Variants in MGAM observed in about 807,000 individuals in gnomAD.
MGAM encodes maltase-glucoamylase, also known as alpha-1,4-glucosidase.
A neutral mutation model predicts 358.8 loss-of-function variants in MGAM; 253 were observed. The ratio of observed to expected loss-of-function variants is 0.71; its 90% CI spans 0.64 to 0.78. The LOEUF (loss-of-function observed/expected upper bound fraction) is 0.78, where lower values mean the gene tolerates loss of function less well. MGAM is among the 30% of genes least tolerant of loss of function. The pLI is 0.00. For synonymous variants in MGAM, 1,105 were observed against 1,227.1 expected (o/e 0.90, Z 2.08); for missense variants, 3,080 against 3,432.6 (o/e 0.90, Z 2.57).
chr7:142,039,408 A>G (rs953540358), intron 19 of MGAM, among the ~76,000 whole-genome samples: 8 of 151,954 alleles, frequency 5.3e-5, no homozygotes, highest in Non-Finnish European at 8.8e-5. Context: ...GCCGCCACAC[A>G]CTTTTAAACA....
At chr7:142,032,474 T>A (rs1192713912) in intron 13 of MGAM, among the ~76,000 whole-genome samples, 1 of 152,166 alleles carries the variant, frequency 6.6e-6, no homozygotes, top group East Asian at 1.9e-4. Flanking sequence ...TCCACATATA[T>A]GTTTATATGT....
chr7:142,106,058 T>C lies in MGAM; in HGVS notation c.*167T>C, dbSNP rs1449507430. On this transcript the variant is annotated 3_prime_UTR_variant, in exon 71 of 71. Coordinates refer to ENST00000475668, the MANE Select transcript of MGAM (RefSeq NM_001365693.1). ...TGTGTGAACCCTAAAGGTTAAACCT[T>C]AGCCCTGTGGGATAGGCAGTTAGGG... The C allele has an allele frequency of 2.3e-5, 13 of 568,596 alleles. No homozygotes were observed. The highest frequency in any genetic ancestry group is 4.0e-5 in the Non-Finnish European group (13 of 321,270). 35.2% of individuals were successfully genotyped at this position (568,596 alleles called of 1,614,324 possible).
chr7:142,050,690 T>G lies in MGAM; in HGVS notation c.2638-7T>G. 1 of 1,612,232 alleles carries G rather than the reference T, an allele frequency of 6.2e-7. No individual in the cohort carries two copies. The highest frequency in any genetic ancestry group is 8.5e-7 in the Non-Finnish European group (1 of 1,178,762). ...TTTATGCATACTTGGACTTAATTGT[T>G]TTGCAGAACCGCTTGGAGGTGAATA... On this transcript the variant is annotated splice_polypyrimidine_tract_variant and splice_region_variant and intron_variant, in intron 23 of 70. Coordinates refer to ENST00000475668, the MANE Select transcript of MGAM (RefSeq NM_001365693.1).
At chr7:142,096,764 A>G (rs1397241710) in intron 65 of MGAM, among the ~76,000 whole-genome samples, 3 of 152,128 alleles carry the variant, frequency 2.0e-5, no homozygotes, top group Admixed American at 6.5e-5. Context: ...CACTATTACA[A>G]CTTTTCAGAA....
rs184476699 is a variant in MGAM, at chr7:142,099,016, T to G, written c.7750-597T>G. ...TAGCTGATTTGCAAATAAAGTTTTATTGGAACACAGCCATGCATATTTGTT... is the reference window on the plus strand; with the variant it reads ...TAGCTGATTTGCAAATAAAGTTTTAGTGGAACACAGCCATGCATATTTGTT... On this transcript the variant is annotated intron_variant, in intron 66 of 70. Coordinates refer to ENST00000475668, the MANE Select transcript of MGAM (RefSeq NM_001365693.1). Among the ~76,000 whole-genome samples the G allele has an allele frequency of 3.3e-3, 502 of 152,356 alleles. 6 individuals carry two copies. The South Asian group carries it at 0.037, about 11-fold the overall frequency.
At chr7:142,044,090 ACGACG>A in intron 21 of MGAM, among the ~76,000 whole-genome samples, 1 of 143,422 alleles carries the variant, frequency 7.0e-6, no homozygotes, top group South Asian at 2.1e-4. Context: ...ATATACACAT[ACGACG>A]TATAATATAT....
chr7:142,090,359 C>G (rs1272061659), intron 57 of MGAM, among the ~76,000 whole-genome samples: 1 of 145,506 alleles, frequency 6.9e-6, no homozygotes, highest in Non-Finnish European at 1.6e-5. Flanking sequence ...CTCCATCCCC[C>G]ACCCATCCCG....
intron 19 of MGAM, among the ~76,000 whole-genome samples, chr7:142,039,700 G>A (rs1035019664): frequency 6.6e-5 from 10 of 152,124 alleles, no homozygotes; most frequent in African/African-American, 2.4e-4. Context: ...AAGTCAGGCT[G>A]ATCGGGATGT....
chr7:142,064,455 G>A lies in MGAM; in HGVS notation c.4417G>A (p.Gly1473Ser), dbSNP rs758607719. The A allele has an allele frequency of 5.1e-5, 82 of 1,598,370 alleles. No homozygotes were observed. The highest frequency in any genetic ancestry group is 6.1e-5 in the Non-Finnish European group (71 of 1,172,618). ...GGAGAGTCAGCAGATCCTCCCAGAC[G>A]GCTCCCTGGTGCAGCACTACAACGT... ...CMESQQILPD[G>S]SLVQHYNVHN... The change falls in exon 37 of 71, where the codon GGC becomes AGC. Residue 1473 changes from glycine to serine, a missense_variant. Coordinates refer to ENST00000475668, the MANE Select transcript of MGAM (RefSeq NM_001365693.1).
chr7:142,028,000 A>G (rs1807129739), intron 10 of MGAM, among the ~76,000 whole-genome samples: 1 of 152,110 alleles, frequency 6.6e-6, no homozygotes, highest in Non-Finnish European at 1.5e-5. Context: ...TATTTTTCTT[A>G]TTATGTATTT....
intron 10 of MGAM, among the ~76,000 whole-genome samples, chr7:142,028,642 G>A (rs1554461829): frequency 6.6e-6 from 1 of 152,176 alleles, no homozygotes; most frequent in Non-Finnish European, 1.5e-5. Flanking sequence ...TCTCTTTAGA[G>A]TGGTCATTTT....
chr7:142,060,330 ATGT>A lies in MGAM; in HGVS notation c.4086_4088del (p.Val1363del), dbSNP rs1812033642. On this transcript the variant is annotated inframe_deletion, in exon 34 of 71. Coordinates refer to ENST00000475668, the MANE Select transcript of MGAM (RefSeq NM_001365693.1). Reference sequence around the variant, plus strand: ...CCATAGGTCTGGCCTGATTTTCCTGATGTTGTTGTGAATGGGTCTCTAGACTGG... The same window carrying A: ...CCATAGGTCTGGCCTGATTTTCCTGATGTTGTGAATGGGTCTCTAGACTGG... The A allele has an allele frequency of 1.2e-6, 2 of 1,614,034 alleles. No homozygotes were observed. The highest frequency in any genetic ancestry group is 1.1e-5 in the South Asian group (1 of 91,072).
At chr7:142,104,752 G>A (rs1816708501) in intron 70 of MGAM, among the ~76,000 whole-genome samples, 1 of 152,130 alleles carries the variant, frequency 6.6e-6, no homozygotes, top group African/African-American at 2.4e-5. Flanking sequence ...TACAAGACAC[G>A]CTCTTGTCAG....
At chr7:142,059,392 A>G in intron 31 of MGAM, 80 bp from the exon 32 acceptor site, 2 of 1,544,172 alleles carry the variant, frequency 1.3e-6, no homozygotes, top group Admixed American at 1.9e-5. Flanking sequence ...GAATTCCACC[A>G]TGGGTGGTGG....
intron 7 of MGAM, among the ~76,000 whole-genome samples, chr7:142,022,957 AT>A (rs1197766390): frequency 2.0e-5 from 3 of 152,100 alleles, no homozygotes; most frequent in African/African-American, 7.2e-5. Context: ...TTTTGTTGTT[AT>A]TGTTTTATTT....
intron 38 of MGAM, 21 bp downstream of exon 38, chr7:142,065,489 G>C (rs755772920): frequency 1.2e-6 from 2 of 1,613,458 alleles, no homozygotes; most frequent in Admixed American, 3.3e-5. Context: ...CCTTCCCCAG[G>C]GCCTTTGCCG....
In MGAM at chr7:142,075,379, A is replaced by C. The variant is rs899727942; in HGVS notation, c.5276-824A>C. Among the ~76,000 whole-genome samples, 26 of 146,354 alleles carry C rather than the reference A, an allele frequency of 1.8e-4. 1 individual carries two copies. Among genetic ancestry groups the C allele is most frequent in the African/African-American group, 4.9e-4 (20 of 41,142 alleles). Reference sequence around the variant, plus strand: ...AAAACCTCCTTGACGTAGTCTTGGCAATGACTTTTTGGATATGATACCAAA... The same window carrying C: ...AAAACCTCCTTGACGTAGTCTTGGCCATGACTTTTTGGATATGATACCAAA... On this transcript the variant is annotated intron_variant, in intron 45 of 70. Transcript: ENST00000475668.
chr7:142,079,588 T>C (rs936558569), intron 49 of MGAM, among the ~76,000 whole-genome samples: 1 of 146,176 alleles, frequency 6.8e-6, no homozygotes. Context: ...TTCATTTCTT[T>C]CCAGAATTTA....
intron 59 of MGAM, 111 bp from the exon 60 acceptor site, chr7:142,093,301 C>T (rs1815571948): frequency 2.3e-6 from 3 of 1,330,958 alleles, no homozygotes; most frequent in East Asian, 2.6e-5. Context: ...CGGAGAGTGA[C>T]ACAGGCAGGA....
Sources: gnomAD v4.1 joint callset for allele counts (sites outside exome capture counted in the v4.1 genomes callset) on GRCh38, gnomAD v4.1.1 for gene constraint, MANE v1.5 for transcripts, NCBI Gene and HGNC (gene_info 2026-07-23, HGNC 2026-07-21) for gene names.